The following IL34 variants were observed in gnomAD, a reference collection of about 807,000 sequenced individuals.
IL34 encodes interleukin-34.
Under a neutral mutation model 25.3 loss-of-function variants are expected in IL34, and 17 were observed. The observed-to-expected ratio is 0.67, with a 90% CI of 0.46 to 1.01. The LOEUF (loss-of-function observed/expected upper bound fraction) is 1.01, where lower values mean the gene tolerates loss of function less well. Ranked by LOEUF, IL34 falls within the 50% of genes least tolerant of loss-of-function variation. The probability of loss-of-function intolerance (pLI) is 0.00; values close to 1 mark genes in which losing one functional copy is unlikely to be tolerated. For synonymous variants in IL34, 174 were observed against 140.9 expected, an observed-to-expected ratio of 1.23 and a Z score of -1.66; for missense variants, 368 against 312.9, an observed-to-expected ratio of 1.18 and a Z score of -1.33.
At chr16:70,655,253 A>G (rs1296928436) in intron 2 of IL34, among the ~76,000 whole-genome samples, 1 of 151,076 alleles carries the variant, frequency 6.6e-6, no homozygotes, top group Non-Finnish European at 1.5e-5. Flanking sequence ...GGGTTTCACC[A>G]TGTTAGTCAG....
chr16:70,638,645 C>G (rs1194961463), intron 1 of IL34, among the ~76,000 whole-genome samples: 3 of 152,026 alleles, frequency 2.0e-5, no homozygotes, highest in Admixed American at 6.6e-5. Flanking sequence ...GTCACCCGGG[C>G]TGGTCTTTCT....
At chr16:70,602,635 C>T (rs78927322) in intron 1 of IL34, among the ~76,000 whole-genome samples, 4 of 140,130 alleles carry the variant, frequency 2.9e-5, no homozygotes, top group Middle Eastern at 3.6e-3. Context: ...TTGTGTTGGG[C>T]GAGGGGTGGT....
chr16:70,646,129 C>T (rs1167940191), upstream of IL34, among the ~76,000 whole-genome samples: 4 of 151,900 alleles, frequency 2.6e-5, no homozygotes, highest in East Asian at 1.9e-4. Context: ...AGGCTGGTCT[C>T]GAACTCCTGG....
chr16:70,596,974 G>C (rs918332759), intron 1 of IL34, among the ~76,000 whole-genome samples: 1 of 152,078 alleles, frequency 6.6e-6, no homozygotes, highest in African/African-American at 2.4e-5. Context: ...CAGGGTCCCA[G>C]CACCCAGGGT....
upstream of IL34, among the ~76,000 whole-genome samples, chr16:70,643,477 C>T (rs2051834916): frequency 1.3e-5 from 2 of 152,162 alleles, no homozygotes; most frequent in South Asian, 2.1e-4. Context: ...CTCAAGTGAT[C>T]CTCCCATCTC....
At chr16:70,648,636 G>A (rs1178327022) in intron 1 of IL34, among the ~76,000 whole-genome samples, 2 of 151,846 alleles carry the variant, frequency 1.3e-5, no homozygotes, top group Non-Finnish European at 2.9e-5. Flanking sequence ...CAGGAGGGGT[G>A]GGTCTTAGGA....
intron 4 of IL34, chr16:70,657,339 C>G (rs2052258205): frequency 1.8e-6 from 1 of 559,422 alleles, no homozygotes; most frequent in Non-Finnish European, 3.2e-6. Flanking sequence ...GCTCGGGGTG[C>G]AGGCGATGCC....
At chr16:70,628,412 C>A (rs1286971748) in intron 1 of IL34, among the ~76,000 whole-genome samples, 3 of 151,782 alleles carry the variant, frequency 2.0e-5, no homozygotes, top group African/African-American at 7.2e-5. Context: ...AGGTATTTTA[C>A]ATTTTTTGTT....
chr16:70,598,214 C>CT (rs2050853331), intron 1 of IL34, among the ~76,000 whole-genome samples: 2 of 152,126 alleles, frequency 1.3e-5, no homozygotes, highest in Non-Finnish European at 2.9e-5. Context: ...GTCTGCCCCC[C>CT]AGAACTTCCT....
chr16:70,610,076 C>T (rs1322365119), intron 1 of IL34, among the ~76,000 whole-genome samples: 1 of 152,080 alleles, frequency 6.6e-6, no homozygotes, highest in East Asian at 1.9e-4. Flanking sequence ...GTGGCGGGCG[C>T]CTGTAATCCC....
intron 1 of IL34, among the ~76,000 whole-genome samples, chr16:70,651,694 A>T (rs1198498922): frequency 6.6e-6 from 1 of 151,812 alleles, no homozygotes; most frequent in Non-Finnish European, 1.5e-5. Context: ...GGGAAAATCC[A>T]ATCAGTAATT....
At chr16:70,614,721 C>A (rs2051147924) in intron 1 of IL34, among the ~76,000 whole-genome samples, 2 of 152,204 alleles carry the variant, frequency 1.3e-5, no homozygotes, top group Admixed American at 6.5e-5. Flanking sequence ...CAGTGTCTTG[C>A]AATAGCAATA....
At chr16:70,654,503 G>A (rs751811949) in intron 1 of IL34, 35 bp from the exon 2 acceptor site, 2 of 1,570,658 alleles carry the variant, frequency 1.3e-6, no homozygotes, top group East Asian at 2.3e-5. Context: ...TGAGATGGAG[G>A]GTGCTCATGT....
At chr16:70,657,796 C>G (rs990557245) in intron 4 of IL34, among the ~76,000 whole-genome samples, 5 of 152,106 alleles carry the variant, frequency 3.3e-5, no homozygotes, top group Non-Finnish European at 5.9e-5. Flanking sequence ...AAACAAAAAA[C>G]TATGCTGTAT....
At chr16:70,625,998 A>G (rs2051385148) in intron 1 of IL34, among the ~76,000 whole-genome samples, 1 of 152,206 alleles carries the variant, frequency 6.6e-6, no homozygotes. Context: ...CCCCGATCCG[A>G]GTCACGGCAC....
intron 1 of IL34, among the ~76,000 whole-genome samples, chr16:70,594,006 C>T (rs1230187745): frequency 6.6e-6 from 1 of 152,154 alleles, no homozygotes; most frequent in East Asian, 1.9e-4. Flanking sequence ...GTTCTTTCAC[C>T]AATACCACAC....
chr16:70,587,372 CCAT>C (rs2050706995), intron 1 of IL34, among the ~76,000 whole-genome samples: 1 of 152,064 alleles, frequency 6.6e-6, no homozygotes, highest in Middle Eastern at 3.2e-3. Context: ...CGGGTTCACG[CCAT>C]TCTCCTGCCT....
rs781091292 is a variant in IL34, at chr16:70,582,273, C to T, written c.-401+2224C>T. ...CCAAGCTTTCATCCCCCTCTGTTGTCACATCTGGATGCCACCATTCTTATC... is the reference window on the plus strand; with the variant it reads ...CCAAGCTTTCATCCCCCTCTGTTGTTACATCTGGATGCCACCATTCTTATC... On this transcript the variant is annotated intron_variant, in intron 1 of 6. Coordinates refer to the IL34 transcript ENST00000429149. Among the ~76,000 whole-genome samples the T allele has an allele frequency of 3.3e-5, 5 of 152,378 alleles. 1 individual carries two copies. Among genetic ancestry groups the T allele is most frequent in the Admixed American group, 3.3e-4 (5 of 15,310 alleles).
intron 3 of IL34, 63 bp downstream of exon 3, chr16:70,656,742 T>C: frequency 1.0e-6 from 1 of 980,598 alleles, no homozygotes; most frequent in East Asian, 2.4e-5. Flanking sequence ...GGCCCCAGCC[T>C]CAGAGGCGCG....
Sources: allele counts gnomAD v4.1 joint callset (sites outside exome capture counted in the v4.1 genomes callset), GRCh38; gene constraint gnomAD v4.1.1; transcripts MANE v1.5; gene names NCBI Gene and HGNC (gene_info 2026-07-23, HGNC 2026-07-21).